RSPRY1: variants seen among roughly 807,000 people sequenced by gnomAD.
RSPRY1 encodes the protein RING finger and SPRY domain-containing protein 1.
Under a neutral mutation model 73.1 loss-of-function variants are expected in RSPRY1, and 23 were observed. That is an observed-to-expected ratio of 0.31 (90% confidence interval 0.23 to 0.45). The LOEUF is 0.45. RSPRY1 is among the 20% of genes least tolerant of loss of function. The probability of loss-of-function intolerance (pLI) is 1.00; values close to 1 mark genes in which losing one functional copy is unlikely to be tolerated. For synonymous variants in RSPRY1, 226 were observed against 251.4 expected, an observed-to-expected ratio of 0.90 and a Z score of 0.95; for missense variants, 448 against 698.7, an observed-to-expected ratio of 0.64 and a Z score of 4.05.
intron 4 of RSPRY1, among the ~76,000 whole-genome samples, chr16:57,210,486 T>A (rs1459684783): frequency 6.6e-6 from 1 of 152,114 alleles, no homozygotes; most frequent in Non-Finnish European, 1.5e-5. Context: ...GTGGATCACC[T>A]GAGGTCAGGA....
chr16:57,221,712 G>A (rs532645775), intron 10 of RSPRY1, among the ~76,000 whole-genome samples: 3 of 152,106 alleles, frequency 2.0e-5, no homozygotes, highest in Non-Finnish European at 2.9e-5. Flanking sequence ...CCCCAGCCAC[G>A]TACTTGGCTC....
At chr16:57,197,036 G>GT (rs1259392852) in intron 1 of RSPRY1, among the ~76,000 whole-genome samples, 1 of 152,184 alleles carries the variant, frequency 6.6e-6, no homozygotes, top group Non-Finnish European at 1.5e-5. Context: ...AGTGTGTACT[G>GT]TGCTATGGTG....
chr16:57,220,543 T>C, intron 8 of RSPRY1, 189 bp from the exon 9 acceptor site: 2 of 372,388 alleles, frequency 5.4e-6, no homozygotes, highest in Admixed American at 8.0e-5. Context: ...TAATAGTTTT[T>C]GGCAGATTTT....
At chr16:57,193,456 G>A (rs1435792051) in intron 1 of RSPRY1, among the ~76,000 whole-genome samples, 3 of 150,522 alleles carry the variant, frequency 2.0e-5, no homozygotes, top group African/African-American at 7.3e-5. Flanking sequence ...ACAATCTTCA[G>A]TAAGAAGATT....
At chr16:57,226,505 T>G (rs2075123792) in intron 10 of RSPRY1, among the ~76,000 whole-genome samples, 1 of 152,160 alleles carries the variant, frequency 6.6e-6, no homozygotes, top group Non-Finnish European at 1.5e-5. Flanking sequence ...GGACAGGCAA[T>G]TCCTGGAACC....
intron 14 of RSPRY1, among the ~76,000 whole-genome samples, chr16:57,235,995 A>G (rs182389757): frequency 1.3e-5 from 2 of 152,310 alleles, no homozygotes; most frequent in East Asian, 3.9e-4. Flanking sequence ...ACTTAAGGGA[A>G]GTAGAGTGTG....
chr16:57,197,817 A>T (rs1283265138), intron 1 of RSPRY1, among the ~76,000 whole-genome samples: 1 of 152,078 alleles, frequency 6.6e-6, no homozygotes, highest in Non-Finnish European at 1.5e-5. Context: ...TCGACCTCCC[A>T]GGCTCAAGTG....
intron 8 of RSPRY1, 115 bp downstream of exon 8, chr16:57,217,150 C>A (rs2074955023): frequency 8.9e-7 from 1 of 1,128,406 alleles, no homozygotes; most frequent in Non-Finnish European, 1.3e-6. Context: ...ATAAGGACCT[C>A]TACTGGCAGG....
At chr16:57,227,478 T>G (rs2075137445) in intron 11 of RSPRY1, 25 bp downstream of exon 11, 1 of 1,526,070 alleles carries the variant, frequency 6.6e-7, no homozygotes, top group Non-Finnish European at 9.1e-7. Context: ...CATTATAAAT[T>G]TATCAAGTGG....
intron 10 of RSPRY1, among the ~76,000 whole-genome samples, chr16:57,223,750 C>T (rs1465019584): frequency 2.0e-5 from 3 of 152,030 alleles, no homozygotes; most frequent in Non-Finnish European, 2.9e-5. Context: ...CTAGCCTGGG[C>T]GATAGAGTGA....
At chr16:57,216,069 A>ATTTTTT (rs11391063) in intron 6 of RSPRY1, 38 bp from the exon 7 acceptor site, 19 of 1,200,298 alleles carry the variant, frequency 1.6e-5, no homozygotes, top group Admixed American at 6.6e-5. Context: ...CAGGGGAATG[A>ATTTTTT]TTTTTTTTTT....
chr16:57,207,823 G>A, intron 2 of RSPRY1: 2 of 539,292 alleles, frequency 3.7e-6, no homozygotes, highest in Non-Finnish European at 3.5e-6. Flanking sequence ...GTCTTTGTCT[G>A]TATCCACCTG....
intron 4 of RSPRY1, among the ~76,000 whole-genome samples, chr16:57,211,281 A>AAG (rs1555500996): frequency 6.6e-6 from 1 of 151,504 alleles, no homozygotes; most frequent in African/African-American, 2.4e-5. Flanking sequence ...AAAAAAAAAA[A>AAG]AAAGAAAGCC....
rs1162737560 is a variant in RSPRY1 at position 57,229,690 on chromosome 16, C to CTTTTTTTTTTTTTTTTT, written c.1274-1004_1274-988dup. Among the ~76,000 whole-genome samples, 3 of 42,102 alleles carry CTTTTTTTTTTTTTTTTT rather than the reference C, an allele frequency of 7.1e-5. 1 individual carries two copies. The highest frequency in any genetic ancestry group is 2.0e-4 in the African/African-American group (2 of 10,180). 27.6% of individuals were successfully genotyped at this position (42,102 alleles called of 152,430 possible). A position where few individuals can be genotyped will look rare whatever the true frequency, so the allele number is the denominator to read the frequency against. ...TTTATCTGATAAGTGAAGATAAATG[C>CTTTTTTTTTTTTTTTTT]TTTTTTTTTTTTTTTTTTTTTTTTT... is the stretch of plus-strand genomic sequence containing the variant. On this transcript the variant is annotated intron_variant, in intron 11 of 14. Transcript: ENST00000394420.
chr16:57,200,934 CG>C (rs1183884742), intron 1 of RSPRY1, among the ~76,000 whole-genome samples: 1 of 81,316 alleles, frequency 1.2e-5, no homozygotes, highest in African/African-American at 4.8e-5. Flanking sequence ...ACCTCCCAGA[CG>C]GGGCGGCTGG....
chr16:57,218,570 TAGTG>T (rs1288084725), intron 8 of RSPRY1, among the ~76,000 whole-genome samples: 1 of 152,070 alleles, frequency 6.6e-6, no homozygotes, highest in African/African-American at 2.4e-5. Context: ...CCACAAAAAT[TAGTG>T]AGAACACACG....
chr16:57,220,912 T>C (rs1005970520), intron 9 of RSPRY1, 65 bp downstream of exon 9: 6 of 1,162,872 alleles, frequency 5.2e-6, no homozygotes, highest in Non-Finnish European at 7.7e-6. Flanking sequence ...AATCCTTGCA[T>C]AGCCAGTTGT....
intron 4 of RSPRY1, 49 bp downstream of exon 4, chr16:57,209,236 A>G (rs1163765080): frequency 8.2e-7 from 1 of 1,213,408 alleles, no homozygotes; most frequent in Non-Finnish European, 1.2e-6. Flanking sequence ...GCTTAAGCAC[A>G]AGATAAATGA....
chr16:57,215,182 T>G (rs2074917256), intron 6 of RSPRY1, among the ~76,000 whole-genome samples: 1 of 152,112 alleles, frequency 6.6e-6, no homozygotes. Context: ...AAAATTGGTT[T>G]CTTAGCTAAG....
Sources: allele counts gnomAD v4.1 joint callset (sites outside exome capture counted in the v4.1 genomes callset), GRCh38; gene constraint gnomAD v4.1.1; transcripts MANE v1.5; gene names NCBI Gene and HGNC (gene_info 2026-07-23, HGNC 2026-07-21).